The following TMEM134 variants were observed in gnomAD, a reference collection of about 807,000 sequenced individuals.
The protein encoded by TMEM134 is transmembrane protein 134.
TMEM134 carries 36 observed loss-of-function variants against 26.2 expected under a neutral mutation model. The ratio of observed to expected loss-of-function variants is 1.37; its 90% confidence interval spans 1.05 to 1.81. The LOEUF (loss-of-function observed/expected upper bound fraction) is 1.81, where lower values mean the gene tolerates loss of function less well. Among genes scored for constraint, TMEM134 ranks in the 40% most tolerant of loss-of-function variants. TMEM134 has a pLI of 0.00. For synonymous variants in TMEM134, 133 were observed against 113.6 expected (o/e 1.17, Z -1.08); for missense variants, 339 against 263.5 (o/e 1.29, Z -1.98).
rs1865099706 is a variant in TMEM134 at position 67,464,298 on chromosome 11, T to C, written c.*316A>G. The C allele has an allele frequency of 4.4e-6, 2 of 450,846 alleles. No individual in the cohort carries two copies. Among genetic ancestry groups the C allele is most frequent in the Admixed American group, 3.8e-5 (1 of 26,614 alleles). 27.9% of individuals were successfully genotyped at this position (450,846 alleles called of 1,614,324 possible). ...GGGTCAGTCCTTGGGAGGGGGGCTG[T>C]GGTCAGGCTGGTGGGCTGGGCTAGC... On this transcript the variant is annotated 3_prime_UTR_variant, in exon 7 of 7. Coordinates refer to ENST00000308022, the MANE Select transcript of TMEM134 (RefSeq NM_025124.4).
chr11:67,465,257 C>T, intron 4 of TMEM134, 157 bp from the exon 5 acceptor site: 1 of 1,494,116 alleles, frequency 6.7e-7, no homozygotes, highest in Non-Finnish European at 8.9e-7. Context: ...GAGCAAGGCA[C>T]TGAGCAGGCC....
rs1262703179 is a variant in TMEM134 at position 67,468,974 on chromosome 11, C to T, written c.174+45G>A. On this transcript the variant is annotated intron_variant, in intron 1 of 6. Transcript: ENST00000308022. ...AGGCCTTTGGGGCCCGGCCTGGGGT[C>T]CCGTCCGGCCGGGGGCAGGGGGTTA... 4 of 1,425,638 alleles carry T rather than the reference C, an allele frequency of 2.8e-6. No individual in the cohort carries two copies. In the South Asian group the frequency reaches 4.2e-5, roughly 15 times the overall value. 88.3% of individuals were successfully genotyped at this position (1,425,638 alleles called of 1,614,324 possible).
chr11:67,465,604 G>T (rs1276070594), intron 4 of TMEM134, among the ~76,000 whole-genome samples: 1 of 152,098 alleles, frequency 6.6e-6, no homozygotes, highest in Non-Finnish European at 1.5e-5. Flanking sequence ...GGCCACCATG[G>T]ACTGCTTTGT....
At chr11:67,465,264 G>C in intron 4 of TMEM134, 164 bp from the exon 5 acceptor site, 1 of 1,470,522 alleles carries the variant, frequency 6.8e-7, no homozygotes, top group Non-Finnish European at 9.0e-7. Context: ...GCACTGAGCA[G>C]GCCCTGGGAA....
chr11:67,467,956 G>T, intron 2 of TMEM134, 72 bp downstream of exon 2: 2 of 1,382,766 alleles, frequency 1.4e-6, no homozygotes, highest in Non-Finnish European at 2.0e-6. Context: ...AGTGGGGTGG[G>T]TGACTGAGCA....
intron 4 of TMEM134, chr11:67,466,960 G>A (rs1865291958): frequency 3.3e-6 from 1 of 303,212 alleles, no homozygotes; most frequent in Non-Finnish European, 6.2e-6. Context: ...ACTTCTGTAA[G>A]ATGGGAAAAT....
intron 6 of TMEM134, 36 bp downstream of exon 6, chr11:67,464,767 A>C (rs1158808205): frequency 6.5e-7 from 1 of 1,542,736 alleles, no homozygotes. Flanking sequence ...GCCGCCCCAC[A>C]GCCCCCGCCC....
rs373419851 is a variant in TMEM134 at position 67,468,997 on chromosome 11, T to G, written c.174+22A>C. ...GTCCCGTCCGGCCGGGGGCAGGGGG[T>G]TAGGTGGGCCGGGCGGTTCACCTGG... On this transcript the variant is annotated intron_variant, in intron 1 of 6. Transcript: ENST00000308022. 41 of 1,474,068 alleles carry G rather than the reference T, an allele frequency of 2.8e-5. No individual in the cohort carries two copies. In the African/African-American group the frequency reaches 5.1e-4, roughly 18 times the overall value. The allele number at this position is 1,474,068 out of a possible 1,614,324, so 91.3% of individuals were successfully genotyped here.
chr11:67,464,904 G>T, intron 5 of TMEM134, 48 bp from the exon 6 acceptor site: 1 of 1,601,138 alleles, frequency 6.2e-7, no homozygotes, highest in Non-Finnish European at 8.5e-7. Context: ...CGGAGGCTTC[G>T]AGGCCTTCCG....
chr11:67,465,532 G>T (rs1865196609), intron 4 of TMEM134, among the ~76,000 whole-genome samples: 1 of 147,630 alleles, frequency 6.8e-6, no homozygotes, highest in Non-Finnish European at 1.5e-5. Context: ...GAGTGATGGG[G>T]GAATGAGGAG....
chr11:67,464,564 G>A lies in TMEM134; in HGVS notation c.*50C>T. 6.5e-7 allele frequency: 1 copy of A among 1,531,712 alleles called. No homozygotes were observed. Among genetic ancestry groups the A allele is most frequent in the Non-Finnish European group, 8.9e-7 (1 of 1,128,992 alleles). 94.9% of individuals were successfully genotyped at this position (1,531,712 alleles called of 1,614,324 possible). ...CCCTTGAGATGAGGGGAACGGAACA[G>A]GGCAAGAGGGGCGCCCCCATGGGCG... On this transcript the variant is annotated 3_prime_UTR_variant, in exon 7 of 7. Transcript: ENST00000308022.
chr11:67,464,520 G>A lies in TMEM134; in HGVS notation c.*94C>T. On this transcript the variant is annotated 3_prime_UTR_variant, in exon 7 of 7. Coordinates refer to ENST00000308022, the MANE Select transcript of TMEM134 (RefSeq NM_025124.4). ...AACTCCCTAGGGGCTGGGGTTTCGA[G>A]GGTCCTGGAGGGCCTCTTCCCTTGA... 7.5e-7 allele frequency: 1 copy of A among 1,330,290 alleles called. No homozygotes were observed. The highest frequency in any genetic ancestry group is 1.3e-5 in the South Asian group (1 of 78,902). The allele number at this position is 1,330,290 out of a possible 1,614,324, so 82.4% of individuals were successfully genotyped here.
At chr11:67,465,128 G>T in intron 4 of TMEM134, 28 bp from the exon 5 acceptor site, 1 of 1,557,510 alleles carries the variant, frequency 6.4e-7, no homozygotes. Flanking sequence ...CGCGGGGGTG[G>T]GGGCAGGAGC....
In TMEM134 at chr11:67,464,513, G is replaced by T; in HGVS notation, c.*101C>A. The T allele has an allele frequency of 7.8e-7, 1 of 1,279,808 alleles. No homozygotes were observed. The highest frequency in any genetic ancestry group is 1.1e-6 in the Non-Finnish European group (1 of 904,696). The allele number at this position is 1,279,808 out of a possible 1,614,324, so 79.3% of individuals were successfully genotyped here. A position where few individuals can be genotyped will look rare whatever the true frequency, so the allele number is the denominator to read the frequency against. On this transcript the variant is annotated 3_prime_UTR_variant, in exon 7 of 7. Coordinates refer to ENST00000308022, the MANE Select transcript of TMEM134 (RefSeq NM_025124.4). ...CTGAGCAAACTCCCTAGGGGCTGGG[G>T]TTTCGAGGGTCCTGGAGGGCCTCTT...
chr11:67,462,776 C>T lies in TMEM134; in HGVS notation c.*1838G>A, dbSNP rs1865057927. 1 of 152,086 alleles carries T rather than the reference C, an allele frequency of 6.6e-6. No individual in the cohort carries two copies. Among genetic ancestry groups the T allele is most frequent in the Non-Finnish European group, 1.5e-5 (1 of 68,034 alleles). The allele number at this position is 152,086 out of a possible 1,614,324, so 9.4% of individuals were successfully genotyped here. Reference sequence around the variant, plus strand: ...GTGCAGTGGTGCAATCATGACTCCACTGCAGCCTCCCAGGCTCCGTGATCC... The same window carrying T: ...GTGCAGTGGTGCAATCATGACTCCATTGCAGCCTCCCAGGCTCCGTGATCC... On this transcript the variant is annotated 3_prime_UTR_variant, in exon 7 of 7. Transcript: ENST00000308022.
chr11:67,468,014 C>G lies in TMEM134; in HGVS notation c.239+14G>C, dbSNP rs1655101830. On this transcript the variant is annotated intron_variant, in intron 2 of 6. Coordinates refer to ENST00000308022, the MANE Select transcript of TMEM134 (RefSeq NM_025124.4). Reference sequence around the variant, plus strand: ...GGGCTGGGGTACAGGGTTGGGTCCCCACCTGGCCCTAACCTGGTGCCGACT... The same window carrying G: ...GGGCTGGGGTACAGGGTTGGGTCCCGACCTGGCCCTAACCTGGTGCCGACT... The G allele has an allele frequency of 6.4e-7, 1 of 1,552,900 alleles. No individual in the cohort carries two copies. The highest frequency in any genetic ancestry group is 2.0e-5 in the Admixed American group (1 of 51,260).
chr11:67,463,599 C>T lies in TMEM134; in HGVS notation c.*1015G>A, dbSNP rs1316542828. The stretch of plus-strand genomic sequence containing the variant: ...TAGAGATGGGTTCTCGCCATGTTGT[C>T]CAGGTTGGTCGCGAACTCCTGGGCT... On this transcript the variant is annotated 3_prime_UTR_variant, in exon 7 of 7. Transcript: ENST00000308022. The T allele has an allele frequency of 1.3e-5, 2 of 151,638 alleles. No individual in the cohort carries two copies. The highest frequency in any genetic ancestry group is 4.9e-5 in the African/African-American group (2 of 41,210). 9.4% of individuals were successfully genotyped at this position (151,638 alleles called of 1,614,324 possible). A position where few individuals can be genotyped will look rare whatever the true frequency, so the allele number is the denominator to read the frequency against.
chr11:67,468,761 G>A (rs1435390500), intron 1 of TMEM134, among the ~76,000 whole-genome samples: 2 of 152,194 alleles, frequency 1.3e-5, no homozygotes, highest in South Asian at 2.1e-4. Context: ...GAATCCGGTT[G>A]GGTTCCCCAG....
In TMEM134 at chr11:67,466,144, G is replaced by C. The variant is rs921380628; in HGVS notation, c.407-1044C>G. On this transcript the variant is annotated intron_variant, in intron 4 of 6. Transcript: ENST00000308022. ...ACACTTTGGGAAGCTGAGGTGGGTG[G>C]ATCACCTGAGGCCAACATGGTGAAA... 1.3e-5 allele frequency: 2 copies of C among 151,986 alleles called. 1 individual carries two copies. The highest frequency in any genetic ancestry group is 4.8e-5 in the African/African-American group (2 of 41,356). The allele number at this position is 151,986 out of a possible 1,614,324, so 9.4% of individuals were successfully genotyped here. A position where few individuals can be genotyped will look rare whatever the true frequency, so the allele number is the denominator to read the frequency against.
Sources: allele counts gnomAD v4.1 joint callset (sites outside exome capture counted in the v4.1 genomes callset), GRCh38; gene constraint gnomAD v4.1.1; transcripts MANE v1.5; gene names NCBI Gene and HGNC (gene_info 2026-07-23, HGNC 2026-07-21).